The following DNAH14 variants were observed in gnomAD, a reference collection of about 807,000 sequenced individuals.
The protein encoded by DNAH14 is axonemal beta dynein heavy chain 14.
A neutral mutation model predicts 520.9 loss-of-function variants in DNAH14; 478 were observed. The ratio of observed to expected loss-of-function variants is 0.92; its 90% CI spans 0.85 to 0.99. DNAH14 has a LOEUF of 0.99. DNAH14 is among the 50% of genes least tolerant of loss of function. The pLI, the probability that DNAH14 is intolerant of heterozygous loss-of-function variation, is 0.00. For missense variants in DNAH14, 4,831 were observed against 5,234.5 expected (o/e 0.92, Z 2.38); for synonymous variants, 1,581 against 1,757.2 (o/e 0.90, Z 2.51).
rs1558883513 is a variant in DNAH14 at position 225,078,826 on chromosome 1, CTCTCTCTCTCTCTCT to C, written c.2425-380_2425-366del. On this transcript the variant is annotated intron_variant, in intron 17 of 85. Transcript: ENST00000682510. ...TCTCTCTCTCTCTCTCTCTCTCTCC[CTCTCTCTCTCTCTCT>C]CCCTCTCTCTCTCTCTCCCTCTCTC... is the stretch of plus-strand genomic sequence containing the variant. Among the ~76,000 whole-genome samples, 76 of 84,576 alleles carry C rather than the reference CTCTCTCTCTCTCTCT, an allele frequency of 9.0e-4. 5 individuals carry two copies. The highest frequency in any genetic ancestry group is 3.0e-3 in the African/African-American group (62 of 20,934). The allele number at this position is 84,576 out of a possible 152,430, so 55.5% of individuals were successfully genotyped here.
Position 224,960,305 on chromosome 1 carries a change from A to G in DNAH14, c.367+3A>G. 1 of 1,580,076 alleles carries G rather than the reference A, an allele frequency of 6.3e-7. No individual in the cohort carries two copies. Among genetic ancestry groups the G allele is most frequent in the Non-Finnish European group, 8.6e-7 (1 of 1,166,850 alleles). ...GCCTGTGTCCTATGATAGAACAGGT[A>G]TGTGGTATCACTGAACCAATTGCTT... On this transcript the variant is annotated splice_donor_region_variant and intron_variant, in intron 4 of 85. Coordinates refer to ENST00000682510, the MANE Select transcript of DNAH14 (RefSeq NM_001367479.1).
At chr1:225,133,708 G>A (rs1367719751) in intron 27 of DNAH14, among the ~76,000 whole-genome samples, 1 of 152,096 alleles carries the variant, frequency 6.6e-6, no homozygotes, top group African/African-American at 2.4e-5. Context: ...TGGCTATTTG[G>A]GCTCTTTTTT....
chr1:225,109,760 A>G (rs1341271606), intron 23 of DNAH14, among the ~76,000 whole-genome samples: 1 of 152,096 alleles, frequency 6.6e-6, no homozygotes, highest in African/African-American at 2.4e-5. Context: ...CAGTGGGGAA[A>G]CTGGGCACCC....
intron 54 of DNAH14, among the ~76,000 whole-genome samples, chr1:225,279,945 C>G (rs1003355199): frequency 6.7e-6 from 1 of 150,352 alleles, no homozygotes; most frequent in African/African-American, 2.4e-5. Context: ...TAAAGGAAAG[C>G]ATACAAAAAT....
intron 81 of DNAH14, 29 bp downstream of exon 81, chr1:225,381,608 C>A: frequency 6.8e-7 from 1 of 1,462,858 alleles, no homozygotes; most frequent in Non-Finnish European, 9.1e-7. Flanking sequence ...TTCCTATTTT[C>A]TTGCTTGCTT....
At chr1:225,369,301 A>T (rs1196846494) in intron 77 of DNAH14, among the ~76,000 whole-genome samples, 1 of 152,162 alleles carries the variant, frequency 6.6e-6, no homozygotes, top group Admixed American at 6.5e-5. Flanking sequence ...AAGACTATTA[A>T]ATTGGGTTAC....
At chr1:225,278,010 T>G (rs1229265382) in intron 54 of DNAH14, among the ~76,000 whole-genome samples, 1 of 152,142 alleles carries the variant, frequency 6.6e-6, no homozygotes, top group Non-Finnish European at 1.5e-5. Flanking sequence ...AGTTGTTTAT[T>G]TTATACTTTA....
At chr1:225,106,281 A>G (rs539461466) in intron 23 of DNAH14, among the ~76,000 whole-genome samples, 11,358 of 149,632 alleles carry the variant, frequency 0.076, 1,443 homozygotes, top group African/African-American at 0.27. Context: ...CCCTTTGTGG[A>G]TAACCCGACC....
intron 55 of DNAH14, among the ~76,000 whole-genome samples, chr1:225,290,742 A>G (rs981177611): frequency 2.1e-5 from 3 of 143,398 alleles, no homozygotes; most frequent in South Asian, 2.2e-4. Flanking sequence ...ATTAAATTCA[A>G]TTAAATGTTT....
intron 1 of DNAH14, among the ~76,000 whole-genome samples, chr1:224,934,636 C>T (rs2125343698): frequency 6.6e-6 from 1 of 151,808 alleles, no homozygotes. Context: ...TAGATAAAAA[C>T]TTCCCAAGTC....
intron 17 of DNAH14, among the ~76,000 whole-genome samples, chr1:225,074,967 T>C (rs2072069732): frequency 6.6e-6 from 1 of 152,052 alleles, no homozygotes; most frequent in African/African-American, 2.4e-5. Flanking sequence ...TTCCTAGGGG[T>C]ATATATGGGG....
chr1:225,242,735 A>G (rs911919256), intron 43 of DNAH14, among the ~76,000 whole-genome samples: 1 of 152,244 alleles, frequency 6.6e-6, no homozygotes, highest in African/African-American at 2.4e-5. Flanking sequence ...TATCATCATT[A>G]TCAAAGATTA....
intron 41 of DNAH14, among the ~76,000 whole-genome samples, chr1:225,220,895 T>C (rs993917501): frequency 6.6e-6 from 1 of 152,202 alleles, no homozygotes; most frequent in African/African-American, 2.4e-5. Context: ...ACTGCCTTAC[T>C]TCAAACTGTA....
chr1:225,033,411 C>T (rs559964619), intron 11 of DNAH14, among the ~76,000 whole-genome samples: 1 of 151,982 alleles, frequency 6.6e-6, no homozygotes, highest in East Asian at 1.9e-4. Context: ...CATTTCTGGG[C>T]TCTCTATTCT....
intron 54 of DNAH14, among the ~76,000 whole-genome samples, chr1:225,283,140 AG>A (rs2093662571): frequency 6.6e-6 from 1 of 152,000 alleles, no homozygotes; most frequent in South Asian, 2.1e-4. Context: ...GGAGAAACAA[AG>A]GGAAAAAAAA....
intron 5 of DNAH14, among the ~76,000 whole-genome samples, chr1:224,967,142 T>A (rs1422848939): frequency 6.6e-6 from 1 of 152,100 alleles, no homozygotes; most frequent in East Asian, 1.9e-4. Context: ...TGTCATCAAG[T>A]TCTTTGGATT....
chr1:225,033,642 G>A (rs1338738040), intron 11 of DNAH14, among the ~76,000 whole-genome samples: 1 of 152,070 alleles, frequency 6.6e-6, no homozygotes, highest in Non-Finnish European at 1.5e-5. Flanking sequence ...GATAGGAATA[G>A]CATTGAATCT....
At chr1:225,288,847 C>G (rs993873083) in intron 54 of DNAH14, among the ~76,000 whole-genome samples, 1 of 152,156 alleles carries the variant, frequency 6.6e-6, no homozygotes, top group Admixed American at 6.6e-5. Context: ...ACTGAACTTT[C>G]ATACAGTGCT....
At position 225,176,417 on chromosome 1, in the gene DNAH14, C is replaced by A. The variant is rs538132245; in HGVS notation, c.5535+8389C>A. ...TTCCATGTGCTGTTAAAAATAATGT[C>A]TATGTTATATCTGTTGGGGGAAATA... On this transcript the variant is annotated intron_variant, in intron 36 of 85. Transcript: ENST00000682510. Among the ~76,000 whole-genome samples, 12 of 152,196 alleles carry A rather than the reference C, an allele frequency of 7.9e-5. No individual in the cohort carries two copies. The South Asian group carries it at 2.3e-3, about 29-fold the overall frequency.
Sources: allele counts gnomAD v4.1 joint callset (sites outside exome capture counted in the v4.1 genomes callset), GRCh38; gene constraint gnomAD v4.1.1; transcripts MANE v1.5; gene names NCBI Gene and HGNC (gene_info 2026-07-23, HGNC 2026-07-21).